RABGAP1L: variants seen among roughly 807,000 people sequenced by gnomAD.
The protein encoded by RABGAP1L is RAB GTPase activating protein 1 like, also known as rab GTPase-activating protein 1-like.
In RABGAP1L, 63 loss-of-function variants were observed where a neutral mutation model predicts 137.7. That is an observed-to-expected ratio of 0.46 (90% CI 0.37 to 0.56). The LOEUF is 0.56. Among genes scored for constraint, RABGAP1L ranks in the 20% least tolerant of loss-of-function variants. The probability of loss-of-function intolerance (pLI) is 0.00; values close to 1 mark genes in which losing one functional copy is unlikely to be tolerated. For synonymous variants in RABGAP1L, 431 were observed against 433.7 expected (o/e 0.99, Z 0.08); for missense variants, 1,095 against 1,244.0 (o/e 0.88, Z 1.80).
chr1:174,534,988 G>A (rs1184288458), intron 13 of RABGAP1L, among the ~76,000 whole-genome samples: 1 of 152,020 alleles, frequency 6.6e-6, no homozygotes, highest in Admixed American at 6.6e-5. Context: ...ATTCATTGAG[G>A]TTATGCTCAC....
intron 19 of RABGAP1L, among the ~76,000 whole-genome samples, chr1:174,923,816 G>A (rs1302675009): frequency 6.6e-6 from 1 of 151,584 alleles, no homozygotes; most frequent in Non-Finnish European, 1.5e-5. Context: ...GGGAGGTGGA[G>A]GTTGCAGTGA....
chr1:174,746,614 G>A (rs1683885989), intron 17 of RABGAP1L, among the ~76,000 whole-genome samples: 1 of 152,136 alleles, frequency 6.6e-6, no homozygotes, highest in East Asian at 1.9e-4. Context: ...GGAAGTAGAG[G>A]ACACATTAAA....
At chr1:174,800,933 A>G (rs990716947) in intron 18 of RABGAP1L, among the ~76,000 whole-genome samples, 3 of 152,040 alleles carry the variant, frequency 2.0e-5, no homozygotes, top group African/African-American at 7.2e-5. Context: ...TGCCAATTTG[A>G]TTGTTGTTTT....
chr1:174,582,986 A>C (rs572486926), intron 13 of RABGAP1L, among the ~76,000 whole-genome samples: 1 of 152,312 alleles, frequency 6.6e-6, no homozygotes, highest in Admixed American at 6.5e-5. Context: ...AAATTATGTA[A>C]ATCTCTAAAT....
chr1:174,621,116 G>T (rs1672418865), intron 13 of RABGAP1L, among the ~76,000 whole-genome samples: 1 of 152,066 alleles, frequency 6.6e-6, no homozygotes. Flanking sequence ...GCTTCAAAGA[G>T]AATAAAATAC....
chr1:174,579,013 G>A (rs1239073342), intron 13 of RABGAP1L, among the ~76,000 whole-genome samples: 2 of 152,046 alleles, frequency 1.3e-5, no homozygotes, highest in Non-Finnish European at 2.9e-5. Flanking sequence ...AGTCATTTAA[G>A]TCGCTCAAAT....
At chr1:174,984,551 G>A (rs1476961857) in intron 24 of RABGAP1L, among the ~76,000 whole-genome samples, 1 of 152,054 alleles carries the variant, frequency 6.6e-6, no homozygotes, top group Admixed American at 6.6e-5. Flanking sequence ...GACCAGCCTG[G>A]CCATCATGGT....
At position 174,268,790 on chromosome 1, in the gene RABGAP1L, G is replaced by A. The variant is rs571925958; in HGVS notation, c.987-3624G>A. Reference sequence around the variant, plus strand: ...AACTTGGTGTTAAAAGCTGCTTAAAGTTCTATTTTGAGTAAACACTAAGTA... The same window carrying A: ...AACTTGGTGTTAAAAGCTGCTTAAAATTCTATTTTGAGTAAACACTAAGTA... On this transcript the variant is annotated intron_variant, in intron 7 of 25. Coordinates refer to ENST00000681986, the MANE Select transcript of RABGAP1L (RefSeq NM_001366446.1). Among the ~76,000 whole-genome samples, 7 of 152,208 alleles carry A rather than the reference G, an allele frequency of 4.6e-5. No homozygotes were observed. In the South Asian group the frequency reaches 8.3e-4, roughly 18 times the overall value.
intron 10 of RABGAP1L, among the ~76,000 whole-genome samples, chr1:174,286,580 A>G (rs909953559): frequency 7.9e-5 from 12 of 151,534 alleles, no homozygotes; most frequent in Middle Eastern, 3.4e-3. Flanking sequence ...AGTCTTTACT[A>G]TTTTTTCCAT....
chr1:174,624,930 G>C (rs1288462464), intron 13 of RABGAP1L, among the ~76,000 whole-genome samples: 1 of 150,748 alleles, frequency 6.6e-6, no homozygotes, highest in African/African-American at 2.4e-5. Flanking sequence ...GAGTGCAGTG[G>C]CGCAGTCTTG....
chr1:174,296,285 G>A (rs7545388), intron 10 of RABGAP1L, among the ~76,000 whole-genome samples: 17,872 of 152,206 alleles, frequency 0.12, 1,383 homozygotes, highest in South Asian at 0.17. Flanking sequence ...TTGATTTAGC[G>A]TTAGTTGATT....
intron 21 of RABGAP1L, among the ~76,000 whole-genome samples, chr1:174,973,927 A>T (rs1670388563): frequency 6.8e-6 from 1 of 147,480 alleles, no homozygotes; most frequent in African/African-American, 2.5e-5. Context: ...TTACAGGGAG[A>T]GAGTTGGTTC....
intron 21 of RABGAP1L, among the ~76,000 whole-genome samples, chr1:174,971,770 C>T (rs1036472438): frequency 6.6e-6 from 1 of 152,202 alleles, no homozygotes; most frequent in Non-Finnish European, 1.5e-5. Flanking sequence ...GCTTTGCAGG[C>T]CTTCACCTAG....
intron 1 of RABGAP1L, among the ~76,000 whole-genome samples, chr1:174,167,861 A>C (rs1665035888): frequency 6.6e-6 from 1 of 152,178 alleles, no homozygotes; most frequent in East Asian, 1.9e-4. Context: ...AAGATGTCGT[A>C]ATTGTCATTG....
intron 13 of RABGAP1L, among the ~76,000 whole-genome samples, chr1:174,629,770 C>T (rs1486887821): frequency 2.0e-5 from 3 of 152,140 alleles, no homozygotes; most frequent in African/African-American, 7.2e-5. Context: ...GCAATCCGCC[C>T]GCCTCAGCCT....
intron 13 of RABGAP1L, among the ~76,000 whole-genome samples, chr1:174,615,050 G>A (rs752367992): frequency 6.6e-6 from 1 of 152,188 alleles, no homozygotes; most frequent in African/African-American, 2.4e-5. Flanking sequence ...GGAGTAGTTT[G>A]ATCGTCTGAA....
At chr1:174,337,519 A>G (rs1242584747) in intron 11 of RABGAP1L, among the ~76,000 whole-genome samples, 1 of 152,186 alleles carries the variant, frequency 6.6e-6, no homozygotes, top group Middle Eastern at 3.2e-3. Flanking sequence ...AAAGCAGTGG[A>G]AAATCACTGG....
At chr1:174,357,763 T>C (rs1683763498) in intron 11 of RABGAP1L, among the ~76,000 whole-genome samples, 1 of 152,190 alleles carries the variant, frequency 6.6e-6, no homozygotes, top group African/African-American at 2.4e-5. Context: ...CTGAGTTGGG[T>C]AAAGAAAAGT....
At chr1:174,266,927 A>AT (rs1674120803) in intron 7 of RABGAP1L, among the ~76,000 whole-genome samples, 2 of 152,216 alleles carry the variant, frequency 1.3e-5, no homozygotes, top group East Asian at 3.8e-4. Flanking sequence ...ATGAAGACAG[A>AT]ATGAGACCTA....
Sources: allele counts gnomAD v4.1 joint callset (sites outside exome capture counted in the v4.1 genomes callset), GRCh38; gene constraint gnomAD v4.1.1; transcripts MANE v1.5; gene names NCBI Gene and HGNC (gene_info 2026-07-23, HGNC 2026-07-21).